CRYBB2: variants seen among roughly 807,000 people sequenced by gnomAD.
The protein encoded by CRYBB2 is beta-crystallin B2.
CRYBB2 carries 12 observed loss-of-function variants against 24.3 expected under a neutral mutation model. The ratio of observed to expected loss-of-function variants is 0.49; its 90% CI spans 0.32 to 0.80. The LOEUF is 0.80. Ranked by LOEUF, CRYBB2 falls within the 30% of genes least tolerant of loss-of-function variation. The pLI, the probability that CRYBB2 is intolerant of heterozygous loss-of-function variation, is 0.04. For synonymous variants in CRYBB2, 98 were observed against 101.6 expected, an observed-to-expected ratio of 0.96 and a Z score of 0.21; for missense variants, 198 against 268.5, an observed-to-expected ratio of 0.74 and a Z score of 1.83.
At chr22:25,220,252 C>T (rs1253872266) in intron 1 of CRYBB2, among the ~76,000 whole-genome samples, 2 of 152,194 alleles carry the variant, frequency 1.3e-5, no homozygotes, top group East Asian at 1.9e-4. Flanking sequence ...CAAGTGCTTC[C>T]GGTTTTATAC....
At position 25,226,168 on chromosome 22, in the gene CRYBB2, CTGTGTGTGTGTG is replaced by C. The variant is rs3064285; in HGVS notation, c.173+1160_173+1171del. On this transcript the variant is annotated intron_variant, in intron 3 of 5. Transcript: ENST00000398215. ...GATTTTGGTATGAATTTGGATTTCT[CTGTGTGTGTGTG>C]TGTGTGTGTGTGTGTGTGTGTGTGT... 5.5e-3 allele frequency among the ~76,000 whole-genome samples: 821 copies of C among 149,012 alleles called. 12 individuals are homozygous for C. The highest frequency in any genetic ancestry group is 0.015 in the African/African-American group (604 of 40,428).
At chr22:25,218,526 C>G (rs1279227637), upstream of CRYBB2, among the ~76,000 whole-genome samples, 1 of 151,000 alleles carries the variant, frequency 6.6e-6, no homozygotes, top group Non-Finnish European at 1.5e-5. Context: ...TTTAGCTGGA[C>G]CTGGTGGCGC....
At chr22:25,229,106 TG>T (rs1935485726) in intron 4 of CRYBB2, among the ~76,000 whole-genome samples, 1 of 150,746 alleles carries the variant, frequency 6.6e-6, no homozygotes, top group Non-Finnish European at 1.5e-5. Flanking sequence ...CATGTGTGTG[TG>T]TGTGCATGTG....
chr22:25,218,780 A>AG (rs1197095284), upstream of CRYBB2, among the ~76,000 whole-genome samples: 1,190 of 23,316 alleles, frequency 0.051, 108 homozygotes, highest in African/African-American at 0.11. Context: ...AGAGAGAGAG[A>AG]AGAAAGAAAG....
upstream of CRYBB2, among the ~76,000 whole-genome samples, chr22:25,212,486 G>A (rs958557244): frequency 1.3e-5 from 2 of 152,226 alleles, no homozygotes; most frequent in Non-Finnish European, 2.9e-5. Flanking sequence ...CCACCATTAG[G>A]GGGCCTCAGC....
chr22:25,215,429 C>T (rs1275756222), upstream of CRYBB2, among the ~76,000 whole-genome samples: 1 of 152,226 alleles, frequency 6.6e-6, no homozygotes, highest in Non-Finnish European at 1.5e-5. Context: ...AGAAACAATG[C>T]TTATCACTGG....
chr22:25,215,198 C>T (rs868534679), upstream of CRYBB2, among the ~76,000 whole-genome samples: 5 of 152,344 alleles, frequency 3.3e-5, no homozygotes, highest in South Asian at 2.1e-4. Flanking sequence ...ATGATACCCA[C>T]GCTGGAAGTT....
At position 25,224,913 on chromosome 22, in the gene CRYBB2, T is replaced by C; in HGVS notation, c.55-5T>C. 6.7e-7 allele frequency: 1 copy of C among 1,496,444 alleles called. No individual in the cohort carries two copies. The highest frequency in any genetic ancestry group is 9.3e-7 in the Non-Finnish European group (1 of 1,072,350). The allele number at this position is 1,496,444 out of a possible 1,614,324, so 92.7% of individuals were successfully genotyped here. The stretch of plus-strand genomic sequence containing the variant: ...TGAGGGTCTGAGTCTCGCTTCCTCT[T>C]GCAGATCATCATCTTTGAGCAGGAA... On this transcript the variant is annotated splice_polypyrimidine_tract_variant and splice_region_variant and intron_variant, in intron 2 of 5. Coordinates refer to ENST00000398215, the MANE Select transcript of CRYBB2 (RefSeq NM_000496.3).
chr22:25,227,908 G>T lies in CRYBB2; in HGVS notation c.229G>T (p.Gly77Cys). 1 of 1,614,138 alleles carries T rather than the reference G, an allele frequency of 6.2e-7. No homozygotes were observed. The highest frequency in any genetic ancestry group is 8.5e-7 in the Non-Finnish European group (1 of 1,180,038). Reference protein sequence around the residue: ...CKGEQFVFEKGEYPRWDSWTS... With the variant: ...CKGEQFVFEKCEYPRWDSWTS... Reference sequence around the variant, plus strand: ...GGGCGAGCAGTTTGTGTTTGAGAAGGGTGAGTACCCCCGCTGGGACTCATG... The same window carrying T: ...GGGCGAGCAGTTTGTGTTTGAGAAGTGTGAGTACCCCCGCTGGGACTCATG... The change falls in exon 4 of 6, where the codon GGT becomes TGT. Residue 77 changes from glycine (G) to cysteine (C), a missense_variant. Physicochemically the swap from Gly to Cys is radical, Grantham distance 159. Coordinates refer to ENST00000398215, the MANE Select transcript of CRYBB2 (RefSeq NM_000496.3).
intron 2 of CRYBB2, among the ~76,000 whole-genome samples, chr22:25,224,475 T>G (rs1049956288): frequency 2.6e-5 from 4 of 152,208 alleles, no homozygotes; most frequent in African/African-American, 4.8e-5. Context: ...CTAACCATTA[T>G]GCTCCCCTGA....
At chr22:25,215,517 A>C (rs1247956893), upstream of CRYBB2, among the ~76,000 whole-genome samples, 1 of 152,172 alleles carries the variant, frequency 6.6e-6, no homozygotes, top group Non-Finnish European at 1.5e-5. Flanking sequence ...CTGATTTCCC[A>C]TTCCACATCT....
intron 3 of CRYBB2, among the ~76,000 whole-genome samples, chr22:25,226,739 T>C (rs992108156): frequency 5.9e-5 from 9 of 152,190 alleles, no homozygotes; most frequent in Non-Finnish European, 1.3e-4. Flanking sequence ...AATGGTGCGA[T>C]CTCAAGTCAC....
At chr22:25,223,456 T>G (rs768507844) in intron 2 of CRYBB2, among the ~76,000 whole-genome samples, 7 of 152,128 alleles carry the variant, frequency 4.6e-5, no homozygotes, top group Non-Finnish European at 1.0e-4. Context: ...GAGTCCCCAT[T>G]TGACAGATGA....
At chr22:25,211,708 C>A (rs1354385390), upstream of CRYBB2, among the ~76,000 whole-genome samples, 1 of 152,200 alleles carries the variant, frequency 6.6e-6, no homozygotes, top group Non-Finnish European at 1.5e-5. Flanking sequence ...GCCACTGCGC[C>A]CAGCCCTCAA....
rs768953807 is a variant in CRYBB2, at chr22:25,231,580, C to T, written c.450-24C>T. 5.0e-6 allele frequency: 8 copies of T among 1,613,018 alleles called. No individual in the cohort carries two copies. The East Asian group carries it at 1.6e-4, about 31-fold the overall frequency. On this transcript the variant is annotated intron_variant, in intron 5 of 5. Transcript: ENST00000398215. ...TCTCTTCCTGTCCCCCTCGTTCACC[C>T]TCCCATCACCTCTGGCCCTGCAGGT... is the stretch of plus-strand genomic sequence containing the variant.
At chr22:25,228,936 ACGTGTGTGCG>A (rs1359899300) in intron 4 of CRYBB2, among the ~76,000 whole-genome samples, 1 of 151,840 alleles carries the variant, frequency 6.6e-6, no homozygotes, top group Non-Finnish European at 1.5e-5. Flanking sequence ...GTGGGTGTGC[ACGTGTGTGCG>A]CGCAAGTGTG....
chr22:25,231,225 G>T (rs1248106719), intron 5 of CRYBB2, among the ~76,000 whole-genome samples: 1 of 152,134 alleles, frequency 6.6e-6, no homozygotes, highest in Admixed American at 6.6e-5. Context: ...CTTGTAGCTG[G>T]GCTTGGAGGT....
chr22:25,221,324 G>A (rs1342493803), intron 1 of CRYBB2, 80 bp from the exon 2 acceptor site: 4 of 845,534 alleles, frequency 4.7e-6, no homozygotes, highest in Non-Finnish European at 8.3e-6. Context: ...GGGGCCAGAG[G>A]GGAGTGGTCT....
Position 25,227,893 on chromosome 22 carries a change from T to G in CRYBB2, c.214T>G (p.Phe72Val). 1 of 1,613,984 alleles carries G rather than the reference T, an allele frequency of 6.2e-7. No individual in the cohort carries two copies. Among genetic ancestry groups the G allele is most frequent in the African/African-American group, 1.3e-5 (1 of 74,966 alleles). Residue 72 changes from phenylalanine (F) to valine (V), a missense_variant, in exon 4 of 6, where the codon TTT (phenylalanine) becomes GTT (valine). Transcript: ENST00000398215. ...ACAGGCCAACTGCAAGGGCGAGCAG[T>G]TTGTGTTTGAGAAGGGTGAGTACCC... ...YEQANCKGEQ[F>V]VFEKGEYPRW...
Sources: allele counts gnomAD v4.1 joint callset (sites outside exome capture counted in the v4.1 genomes callset), GRCh38; gene constraint gnomAD v4.1.1; transcripts MANE v1.5; gene names NCBI Gene and HGNC (gene_info 2026-07-23, HGNC 2026-07-21).